MYH14: variants seen among roughly 807,000 people sequenced by gnomAD.
MYH14 encodes the protein myosin-14.
In MYH14, 123 loss-of-function variants were observed where a neutral mutation model predicts 255.5. The observed-to-expected ratio is 0.48, with a 90% CI of 0.42 to 0.56. The LOEUF is 0.56. MYH14 is among the 20% of genes least tolerant of loss of function. MYH14 has a pLI of 0.00. For missense variants in MYH14, 2,423 were observed against 2,802.3 expected, an observed-to-expected ratio of 0.86 and a Z score of 3.06; for synonymous variants, 1,095 against 1,161.2, an observed-to-expected ratio of 0.94 and a Z score of 1.16.
At position 50,223,279 on chromosome 19, in the gene MYH14, C is replaced by A; in HGVS notation, c.623C>A (p.Thr208Asn). 1 of 1,610,410 alleles carries A rather than the reference C, an allele frequency of 6.2e-7. No individual in the cohort carries two copies. Among genetic ancestry groups the A allele is most frequent in the South Asian group, 1.1e-5 (1 of 90,698 alleles). The change falls in exon 5 of 43, where the codon ACC (threonine) becomes AAC (asparagine). Residue 208 changes from threonine to asparagine, a missense_variant. By Grantham distance (65) the Thr-to-Asn change is moderately conservative (BLOSUM62 0). This residue lies in a region of MYH14 where 672 missense variants were observed against 881.8 expected (regional missense o/e 0.76). Transcript: ENST00000642316. ...TCTGGAGCTGGGAAGACGGAAAACA[C>A]CAAGAAGGTCATCCAGTACCTCGCC... Reference protein sequence around the residue: ...GESGAGKTENTKKVIQYLAHV... With the variant: ...GESGAGKTENNKKVIQYLAHV...
chr19:50,274,264 CTGTG>C (rs1160964158), intron 27 of MYH14, among the ~76,000 whole-genome samples: 2 of 152,092 alleles, frequency 1.3e-5, no homozygotes, highest in East Asian at 1.9e-4. Context: ...ATTCACAATG[CTGTG>C]TAACCATCAC....
rs561809106 is a variant in MYH14 at position 50,231,035 on chromosome 19, T to A, written c.973+412T>A. On this transcript the variant is annotated intron_variant, in intron 9 of 42. Coordinates refer to ENST00000642316, the MANE Select transcript of MYH14 (RefSeq NM_001145809.2). ...CTTCTCGGCTCGTGCTGCCTCGTGC[T>A]CCCCTCTGCTCTGGCTCCTAGGCCA... The A allele has an allele frequency of 2.2e-5, 5 of 231,346 alleles. No individual in the cohort carries two copies. In the South Asian group the frequency reaches 2.3e-4, roughly 11 times the overall value. The allele number at this position is 231,346 out of a possible 1,614,324, so 14.3% of individuals were successfully genotyped here.
In MYH14 at chr19:50,210,495, A is replaced by G; in HGVS notation, c.130A>G (p.Thr44Ala). Residue 44 changes from threonine to alanine, a missense_variant, in exon 2 of 43, where the codon ACC becomes GCC. Around this residue, in one of 3 missense-constraint regions of MYH14, gnomAD observed 238 missense variants for 245.8 expected, o/e 0.97. Coordinates refer to ENST00000642316, the MANE Select transcript of MYH14 (RefSeq NM_001145809.2). Reference protein sequence around the residue: ...PSAGGGPGSGTSPQVEWTARR... With the variant: ...PSAGGGPGSGASPQVEWTARR... Reference sequence around the variant, plus strand: ...CGCGGGTGGCGGGCCTGGCTCGGGCACCTCCCCGCAGGTGGAGTGGACGGC... The same window carrying G: ...CGCGGGTGGCGGGCCTGGCTCGGGCGCCTCCCCGCAGGTGGAGTGGACGGC... 1 of 1,558,110 alleles carries G rather than the reference A, an allele frequency of 6.4e-7. No homozygotes were observed. The highest frequency in any genetic ancestry group is 8.7e-7 in the Non-Finnish European group (1 of 1,153,534).
intron 10 of MYH14, among the ~76,000 whole-genome samples, chr19:50,233,394 C>A (rs1056931681): frequency 2.0e-5 from 3 of 151,912 alleles, no homozygotes; most frequent in Non-Finnish European, 4.4e-5. Flanking sequence ...GGTCTCGAAC[C>A]CCTGACATCA....
intron 27 of MYH14, among the ~76,000 whole-genome samples, chr19:50,273,517 A>G (rs1218598031): frequency 6.6e-6 from 1 of 151,980 alleles, no homozygotes; most frequent in African/African-American, 2.4e-5. Flanking sequence ...GCAATCTAAG[A>G]CCCACTTGAT....
intron 40 of MYH14, among the ~76,000 whole-genome samples, chr19:50,305,311 A>G (rs975952918): frequency 2.0e-5 from 3 of 152,108 alleles, no homozygotes; most frequent in Non-Finnish European, 4.4e-5. Flanking sequence ...AAGAGAAAGC[A>G]GGGGGCAGAA....
chr19:50,244,406 C>G (rs1016357607), intron 11 of MYH14, 69 bp downstream of exon 11: 1 of 1,215,848 alleles, frequency 8.2e-7, no homozygotes, highest in African/African-American at 1.5e-5. Context: ...CCTCCTGCAC[C>G]CCTGTCCCAC....
In MYH14 at chr19:50,293,206, C is replaced by A. The variant is rs747153946; in HGVS notation, c.5257-27C>A. On this transcript the variant is annotated intron_variant, in intron 37 of 42. Coordinates refer to ENST00000642316, the MANE Select transcript of MYH14 (RefSeq NM_001145809.2). The surrounding 1 kb of genome is among the most constrained non-coding windows in gnomAD (Gnocchi z 4.1). ...GTGCCCAGATTGCTTCTCCTCACAC[C>A]CACCGGCCACCCCTCCATCATCACA... 3.0e-5 allele frequency: 46 copies of A among 1,558,620 alleles called. No homozygotes were observed. Among genetic ancestry groups the A allele is most frequent in the Non-Finnish European group, 3.6e-5 (41 of 1,145,884 alleles).
rs34349209 is a variant in MYH14 at position 50,289,881 on chromosome 19, G to A, written c.4965+233G>A. On this transcript the variant is annotated intron_variant, in intron 35 of 42. Transcript: ENST00000642316. ...CACTCAGTATTTCTGCCAGTCTCTC[G>A]TGCCAGCCAAACCATCTTCCTCCCA... 0.011 allele frequency among the ~76,000 whole-genome samples: 1,719 copies of A among 151,932 alleles called. 35 individuals are homozygous for A. Among genetic ancestry groups the A allele is most frequent in the African/African-American group, 0.038 (1,588 of 41,394 alleles).
chr19:50,276,089 G>C lies in MYH14; in HGVS notation c.3566G>C (p.Arg1189Pro). 1 of 1,610,168 alleles carries C rather than the reference G, an allele frequency of 6.2e-7. No individual in the cohort carries two copies. Among genetic ancestry groups the C allele is most frequent in the Non-Finnish European group, 8.5e-7 (1 of 1,178,760 alleles). ...AEAQEDLESE[R>P]VARTKAEKQR... The stretch of plus-strand genomic sequence containing the variant: ...GCCCAGGAGGACCTGGAGTCTGAGC[G>C]TGTGGCCAGGACCAAGGCGGAGAAG... Residue 1189 changes from arginine (R) to proline (P), a missense_variant, in exon 28 of 43, where the codon CGT (arginine) becomes CCT (proline). This residue lies in a region of MYH14 where 1,513 missense variants were observed against 1,674.8 expected (regional missense o/e 0.90). Transcript: ENST00000642316. This position sits in a 1 kb window ranked among gnomAD's most constrained non-coding sequence, Gnocchi z 4.3.
In MYH14 at chr19:50,231,227, C is replaced by T. The variant is rs1422568268; in HGVS notation, c.973+604C>T. On this transcript the variant is annotated intron_variant, in intron 9 of 42. Transcript: ENST00000642316. ...GGCCGCTTCCTGGCTCCTGCGGCCA[C>T]ATAGCCCCTCCTCATCCAGGTTCCC... 2.0e-5 allele frequency among the ~76,000 whole-genome samples: 3 copies of T among 152,272 alleles called. No individual in the cohort carries two copies. The East Asian group carries it at 5.8e-4, about 29-fold the overall frequency.
At chr19:50,244,366 C>G in intron 11 of MYH14, 29 bp downstream of exon 11, 2 of 1,594,696 alleles carry the variant, frequency 1.3e-6, no homozygotes, top group Non-Finnish European at 1.7e-6. Flanking sequence ...CTGCCCACGA[C>G]CTCCAGCCCC....
intron 2 of MYH14, among the ~76,000 whole-genome samples, chr19:50,213,848 CA>C (rs1385741412): frequency 2.0e-5 from 3 of 152,142 alleles, no homozygotes; most frequent in African/African-American, 7.2e-5. Flanking sequence ...TTGTTTTAGA[CA>C]TAGCCTTGCT....
In MYH14 at chr19:50,301,855, A is replaced by G; in HGVS notation, c.5664A>G (p.Leu1888=). The change falls in exon 40 of 43, where the codon CTA becomes CTG. Residue 1888 remains leucine (L), a synonymous_variant. Coordinates refer to ENST00000642316, the MANE Select transcript of MYH14 (RefSeq NM_001145809.2). ...AGTTGGCCCAGGCTGAGGAGCAGCT[A>G]GAGCAAGAGACCAGGTAGGTGAGAG... The part of the protein sequence containing the change: ...ESKLAQAEEQ[L]EQETRERILS... 6.2e-7 allele frequency: 1 copy of G among 1,612,276 alleles called. No individual in the cohort carries two copies. Among genetic ancestry groups the G allele is most frequent in the Non-Finnish European group, 8.5e-7 (1 of 1,179,166 alleles).
chr19:50,279,448 A>G (rs1301392802), intron 30 of MYH14, among the ~76,000 whole-genome samples: 1 of 152,176 alleles, frequency 6.6e-6, no homozygotes, highest in Non-Finnish European at 1.5e-5. Context: ...TGCCTGACCA[A>G]CATGGTGAAA....
At chr19:50,297,869 G>A (rs71355136) in intron 39 of MYH14, among the ~76,000 whole-genome samples, 17,883 of 151,970 alleles carry the variant, frequency 0.12, 1,218 homozygotes, top group Admixed American at 0.19. Context: ...GTGACCTCGC[G>A]TTAATCAATT....
intron 8 of MYH14, among the ~76,000 whole-genome samples, chr19:50,228,039 T>G (rs1432158995): frequency 6.6e-6 from 1 of 152,140 alleles, no homozygotes; most frequent in African/African-American, 2.4e-5. Flanking sequence ...ATCCCAGCAC[T>G]TTGGGAGGCC....
In MYH14 at chr19:50,271,547, G is replaced by A; in HGVS notation, c.3171+1G>A. 1 of 1,604,320 alleles carries A rather than the reference G, an allele frequency of 6.2e-7. No homozygotes were observed. Among genetic ancestry groups the A allele is most frequent in the Non-Finnish European group, 8.5e-7 (1 of 1,175,598 alleles). The stretch of plus-strand genomic sequence containing the variant: ...AGACCAGAATTCCAAGCTGAGCAAG[G>A]TTGGGGGCCTGAGGGCAGCTGGGAA... On this transcript the variant is annotated splice_donor_variant, in intron 25 of 42. Transcript: ENST00000642316. LOFTEE classifies it high-confidence loss of function.
Position 50,293,312 on chromosome 19 carries a change from A to G in MYH14, c.5336A>G (p.Asn1779Ser). The G allele has an allele frequency of 6.2e-7, 1 of 1,604,946 alleles. No individual in the cohort carries two copies. Among genetic ancestry groups the G allele is most frequent in the Admixed American group, 1.7e-5 (1 of 58,620 alleles). Residue 1779 changes from asparagine (N) to serine (S), a missense_variant, in exon 38 of 43, where the codon AAC becomes AGC. By Grantham distance (46) the Asn-to-Ser change is conservative. Coordinates refer to ENST00000642316, the MANE Select transcript of MYH14 (RefSeq NM_001145809.2). The surrounding 1 kb of genome is among the most constrained non-coding windows in gnomAD (Gnocchi z 4.1). Reference protein sequence around the residue: ...DEMADEVANGNLSKAAILEEK... With the variant: ...DEMADEVANGSLSKAAILEEK... ...ATGGCAGATGAGGTGGCCAATGGTA[A>G]CCTTAGCAAGTAAGTGCCCCAAGGG...
Sources: allele counts gnomAD v4.1 joint callset (sites outside exome capture counted in the v4.1 genomes callset), GRCh38; gene constraint gnomAD v4.1.1; regional missense constraint gnomAD v4.1.1; non-coding constraint Gnocchi (gnomAD v3.1); transcripts MANE v1.5; gene names NCBI Gene and HGNC (gene_info 2026-07-23, HGNC 2026-07-21).